LRRCC1: variants seen among roughly 807,000 people sequenced by gnomAD.
LRRCC1 encodes the protein leucine rich repeat and coiled-coil centrosomal protein 1.
A neutral mutation model predicts 126.0 loss-of-function variants in LRRCC1; 115 were observed. The observed-to-expected ratio is 0.91, with a 90% confidence interval of 0.78 to 1.07. LRRCC1 has a LOEUF of 1.07. Among genes scored for constraint, LRRCC1 ranks in the 50% least tolerant of loss-of-function variants. The pLI is 0.00. For missense variants in LRRCC1, 1,172 were observed against 1,175.7 expected, an observed-to-expected ratio of 1.00 and a Z score of 0.05; for synonymous variants, 400 against 393.4, an observed-to-expected ratio of 1.02 and a Z score of -0.20.
chr8:85,133,929 G>A (rs999245230), intron 12 of LRRCC1, among the ~76,000 whole-genome samples: 2 of 152,060 alleles, frequency 1.3e-5, no homozygotes, highest in Non-Finnish European at 2.9e-5. Context: ...CAGAGTAGTG[G>A]TCAAAACACT....
At chr8:85,140,077 A>G (rs1042473908) in intron 17 of LRRCC1, among the ~76,000 whole-genome samples, 9 of 152,362 alleles carry the variant, frequency 5.9e-5, no homozygotes, top group African/African-American at 2.2e-4. Context: ...GTCATATTCT[A>G]TAATTAGCCA....
intron 6 of LRRCC1, among the ~76,000 whole-genome samples, chr8:85,116,291 G>A (rs1030830259): frequency 2.0e-5 from 3 of 152,094 alleles, no homozygotes; most frequent in African/African-American, 7.2e-5. Context: ...GCTGGGTGTA[G>A]GATAGAAAGA....
In LRRCC1 at chr8:85,109,723, G is replaced by A. The variant is rs1470071099; in HGVS notation, c.233G>A (p.Ser78Asn). 3.1e-6 allele frequency: 5 copies of A among 1,603,702 alleles called. No homozygotes were observed. The highest frequency in any genetic ancestry group is 3.4e-6 in the Non-Finnish European group (4 of 1,171,140). The stretch of plus-strand genomic sequence containing the variant: ...CTAGATCTGTCATCTAATCAAATAA[G>A]TAGAATTGAAGGACTAAACACACTG... Reference protein sequence around the residue: ...QHLDLSSNQISRIEGLNTLTK... With the variant: ...QHLDLSSNQINRIEGLNTLTK... The change falls in exon 2 of 19, where the codon AGT (serine) becomes AAT (asparagine). Residue 78 changes from serine (S) to asparagine (N), a missense_variant. Transcript: ENST00000360375.
Position 85,138,470 on chromosome 8 carries a change from A to G in LRRCC1, c.2835A>G (p.Leu945=). 1 of 1,608,984 alleles carries G rather than the reference A, an allele frequency of 6.2e-7. No homozygotes were observed. The highest frequency in any genetic ancestry group is 8.5e-7 in the Non-Finnish European group (1 of 1,178,620). Residue 945 remains leucine (L), a synonymous_variant, in exon 17 of 19, where the codon CTA becomes CTG. Transcript: ENST00000360375. ...CGGAAAGAGACAAAAGTATTGAACT[A>G]CAAAAGTAAGCATTAGGTTCTAAAG... ...LKAERDKSIE[L]QKNAMEKLHS... is the part of the protein sequence containing the mutation.
Position 85,109,757 on chromosome 8 carries a change from G to C in LRRCC1, c.267G>C (p.Leu89=). The C allele has an allele frequency of 6.3e-7, 1 of 1,594,302 alleles. No homozygotes were observed. Among genetic ancestry groups the C allele is most frequent in the South Asian group, 1.1e-5 (1 of 87,850 alleles). ...RIEGLNTLTK[L]CTLNLSCNLI... ...AAGGACTAAACACACTGACAAAACT[G>C]TGCACATTAAATTTGTCCTGCAATT... The change falls in exon 2 of 19, where the codon CTG becomes CTC. Residue 89 remains leucine, a synonymous_variant. Transcript: ENST00000360375.
Position 85,111,819 on chromosome 8 carries a change from G to A in LRRCC1, c.377-1113G>A, listed in dbSNP as rs181943567. ...TGAGATTGTGAAGCAGTTGAAACTC[G>A]CATACATTGTTGGTAGTTTTAAAAT... On this transcript the variant is annotated intron_variant, in intron 3 of 18. Transcript: ENST00000360375. Among the ~76,000 whole-genome samples the A allele has an allele frequency of 3.7e-3, 568 of 151,808 alleles. 6 individuals are homozygous for A. Among genetic ancestry groups the A allele is most frequent in the African/African-American group, 0.013 (545 of 41,412 alleles).
chr8:85,131,443 G>A (rs1442712227), intron 11 of LRRCC1, among the ~76,000 whole-genome samples: 18 of 152,072 alleles, frequency 1.2e-4, no homozygotes, highest in South Asian at 4.1e-4. Flanking sequence ...TCAAAGACTC[G>A]GCCAAAGTAG....
chr8:85,130,263 G>A (rs1210279627), intron 11 of LRRCC1, among the ~76,000 whole-genome samples: 1 of 151,244 alleles, frequency 6.6e-6, no homozygotes, highest in Non-Finnish European at 1.5e-5. Flanking sequence ...AGCCTCCCGA[G>A]TAGCTGGGAC....
Position 85,126,821 on chromosome 8 carries a change from C to T in LRRCC1, c.1405C>T (p.Leu469=), listed in dbSNP as rs746837360. The change falls in exon 9 of 19, where the codon CTA becomes TTA. Residue 469 remains leucine, a synonymous_variant. Coordinates refer to ENST00000360375, the MANE Select transcript of LRRCC1 (RefSeq NM_033402.5). ...AAAAGAGGATATTCATAGTCTGGCT[C>T]TACTTACCACAGATAGGTAAAAAGA... ...NEKEDIHSLA[L]LTTDRLKEII... is the part of the protein sequence containing the mutation. 18 of 1,609,644 alleles carry T rather than the reference C, an allele frequency of 1.1e-5. No homozygotes were observed. The highest frequency in any genetic ancestry group is 1.4e-5 in the Non-Finnish European group (17 of 1,178,954).
intron 12 of LRRCC1, among the ~76,000 whole-genome samples, chr8:85,134,386 C>T (rs973269335): frequency 1.3e-5 from 2 of 152,126 alleles, no homozygotes; most frequent in Admixed American, 6.6e-5. Flanking sequence ...GGTGCTATCT[C>T]GGCTCACTGC....
chr8:85,136,730 C>T (rs1222632266), intron 14 of LRRCC1, among the ~76,000 whole-genome samples: 1 of 152,174 alleles, frequency 6.6e-6, no homozygotes. Context: ...CATTCCCTTT[C>T]CAATCATTGT....
Position 85,134,938 on chromosome 8 carries a change from C to T in LRRCC1, c.2060C>T (p.Ser687Phe), listed in dbSNP as rs938029097. 5 of 1,595,946 alleles carry T rather than the reference C, an allele frequency of 3.1e-6. No individual in the cohort carries two copies. Among genetic ancestry groups the T allele is most frequent in the Non-Finnish European group, 4.3e-6 (5 of 1,176,242 alleles). Residue 687 changes from serine to phenylalanine, a missense_variant, in exon 13 of 19, where the codon TCT (serine) becomes TTT (phenylalanine). By Grantham distance (155) the Ser-to-Phe change is radical. Transcript: ENST00000360375. ...WAQRKENESS[S>F]LIKDLTCMVK... ...CAACGAAAAGAAAATGAGTCTTCCT[C>T]TTTAATTAAAGATCTGACCTGTATG...
intron 1 of LRRCC1, among the ~76,000 whole-genome samples, chr8:85,108,192 A>G (rs1232393486): frequency 6.6e-6 from 1 of 152,074 alleles, no homozygotes; most frequent in Non-Finnish European, 1.5e-5. Flanking sequence ...CTCTACGCGA[A>G]CTCTGCTACT....
Position 85,112,925 on chromosome 8 carries a change from A to T in LRRCC1, c.377-7A>T, listed in dbSNP as rs745650942. The T allele has an allele frequency of 6.5e-7, 1 of 1,548,700 alleles. No individual in the cohort carries two copies. The highest frequency in any genetic ancestry group is 1.4e-5 in the African/African-American group (1 of 72,202). ...GTGGCATTTAAAGAATTATGTTCCT[A>T]TTGCAGGATTGATTCCCCTTCATGG... On this transcript the variant is annotated splice_polypyrimidine_tract_variant and splice_region_variant and intron_variant, in intron 3 of 18. Coordinates refer to ENST00000360375, the MANE Select transcript of LRRCC1 (RefSeq NM_033402.5).
At chr8:85,144,000 G>A (rs1422664929) in intron 18 of LRRCC1, among the ~76,000 whole-genome samples, 2 of 152,054 alleles carry the variant, frequency 1.3e-5, no homozygotes, top group Non-Finnish European at 2.9e-5. Flanking sequence ...ACAGAAAAAT[G>A]GTCATATTGG....
chr8:85,142,050 C>T lies in LRRCC1; in HGVS notation c.2976+533C>T, dbSNP rs1012156641. 5.3e-5 allele frequency among the ~76,000 whole-genome samples: 8 copies of T among 152,280 alleles called. No homozygotes were observed. In the South Asian group the frequency reaches 1.5e-3, roughly 28 times the overall value. Reference sequence around the variant, plus strand: ...GTGGCTCACGCAAGTAATCCCAGCACTTTGGGAGGCCAAGGCGGGTGGATC... The same window carrying T: ...GTGGCTCACGCAAGTAATCCCAGCATTTTGGGAGGCCAAGGCGGGTGGATC... On this transcript the variant is annotated intron_variant, in intron 18 of 18. Transcript: ENST00000360375.
chr8:85,125,274 A>T (rs1398641631), intron 8 of LRRCC1, among the ~76,000 whole-genome samples: 1 of 152,142 alleles, frequency 6.6e-6, no homozygotes, highest in Non-Finnish European at 1.5e-5. Flanking sequence ...AAAAATTTAC[A>T]GGTCTTCTCA....
At chr8:85,140,579 C>T (rs759659031) in intron 17 of LRRCC1, among the ~76,000 whole-genome samples, 2 of 152,118 alleles carry the variant, frequency 1.3e-5, no homozygotes, top group Non-Finnish European at 2.9e-5. Context: ...GTTTTACCTC[C>T]AGGATACTTT....
Position 85,138,191 on chromosome 8 carries a change from C to G in LRRCC1, c.2650C>G (p.Gln884Glu), listed in dbSNP as rs1811007507. The change falls in exon 16 of 19, where the codon CAA (glutamine) becomes GAA (glutamate). Residue 884 changes from glutamine to glutamate, a missense_variant. By Grantham distance (29) the Gln-to-Glu change is conservative. Transcript: ENST00000360375. ...RHNERKEKLK[Q>E]QLKGKEVELE... ...CAATGAAAGAAAAGAAAAACTAAAA[C>G]AACAGTTGAAAGGAAAGGAAGTAGA... 1 of 1,611,936 alleles carries G rather than the reference C, an allele frequency of 6.2e-7. No homozygotes were observed. Among genetic ancestry groups the G allele is most frequent in the East Asian group, 2.2e-5 (1 of 44,718 alleles).
Sources: allele counts gnomAD v4.1 joint callset (sites outside exome capture counted in the v4.1 genomes callset), GRCh38; gene constraint gnomAD v4.1.1; transcripts MANE v1.5; gene names NCBI Gene and HGNC (gene_info 2026-07-23, HGNC 2026-07-21).